The following EIF4G3 variants were observed in gnomAD, a reference collection of about 807,000 sequenced individuals.
The protein encoded by EIF4G3 is eukaryotic translation initiation factor 4 gamma 3.
A neutral mutation model predicts 186.4 loss-of-function variants in EIF4G3; 34 were observed. The observed-to-expected ratio is 0.18, with a 90% CI of 0.14 to 0.24. The LOEUF is 0.24. Among genes scored for constraint, EIF4G3 ranks in the 10% least tolerant of loss-of-function variants. The pLI, the probability that EIF4G3 is intolerant of heterozygous loss-of-function variation, is 1.00. For synonymous variants in EIF4G3, 673 were observed against 679.5 expected, an observed-to-expected ratio of 0.99 and a Z score of 0.15; for missense variants, 1,536 against 1,948.5, an observed-to-expected ratio of 0.79 and a Z score of 3.99.
At chr1:21,014,636 T>TA (rs1245516291) in intron 4 of EIF4G3, among the ~76,000 whole-genome samples, 1 of 4,228 alleles carries the variant, frequency 2.4e-4, no homozygotes, top group Non-Finnish European at 2.0e-3. Context: ...GACAAACACC[T>TA]TTTTTTTTTT....
intron 7 of EIF4G3, among the ~76,000 whole-genome samples, chr1:20,988,018 T>C (rs1290346992): frequency 6.6e-6 from 1 of 152,170 alleles, no homozygotes; most frequent in African/African-American, 2.4e-5. Context: ...AAAGAGCAGT[T>C]TGGATAGAAG....
rs949230726 is a variant in EIF4G3 at position 20,846,315 on chromosome 1, G to T, written c.3888+3100C>A. 3.3e-5 allele frequency among the ~76,000 whole-genome samples: 5 copies of T among 152,270 alleles called. No homozygotes were observed. In the South Asian group the frequency reaches 1.0e-3, roughly 32 times the overall value. The stretch of plus-strand genomic sequence containing the variant: ...GCCTGATTACCCTGGCCAGTACTAT[G>T]TTGAATAGGAGTGGTGAGAGAGGAC... On this transcript the variant is annotated intron_variant, in intron 29 of 36. Coordinates refer to ENST00000602326, the MANE Select transcript of EIF4G3 (RefSeq NM_001391906.1).
chr1:21,131,779 C>A (rs1044988789), intron 2 of EIF4G3, among the ~76,000 whole-genome samples: 2 of 152,060 alleles, frequency 1.3e-5, no homozygotes, highest in African/African-American at 2.4e-5. Flanking sequence ...TTGAGACTAG[C>A]CTAGCCAACA....
Position 20,899,874 on chromosome 1 carries a change from A to T in EIF4G3, c.1822T>A (p.Phe608Ile), listed in dbSNP as rs1355000973. The change falls in exon 16 of 37, where the codon TTT becomes ATT. Residue 608 changes from phenylalanine (F) to isoleucine (I), a missense_variant. Phe to Ile is a conservative substitution (Grantham distance 21). Coordinates refer to ENST00000602326, the MANE Select transcript of EIF4G3 (RefSeq NM_001391906.1). ...TCAGAGGGGTCTCTTTCAGGATGAA[A>T]CCCCTGGCTCATTTTATCTTGTTCA... is the stretch of plus-strand genomic sequence containing the variant. ...ESEQDKMSQG[F>I]HPERDPSDLK... is the part of the protein sequence containing the mutation. 1 of 1,613,914 alleles carries T rather than the reference A, an allele frequency of 6.2e-7. No individual in the cohort carries two copies. The highest frequency in any genetic ancestry group is 2.2e-5 in the East Asian group (1 of 44,870).
At chr1:20,861,587 G>T (rs1389658164) in intron 23 of EIF4G3, among the ~76,000 whole-genome samples, 1 of 152,242 alleles carries the variant, frequency 6.6e-6, no homozygotes, top group Non-Finnish European at 1.5e-5. Flanking sequence ...GGTATTTACT[G>T]TGGAGATGAG....
intron 7 of EIF4G3, among the ~76,000 whole-genome samples, chr1:20,986,744 CAAAAAAAAAAAAA>C (rs61255473): frequency 4.8e-4 from 32 of 66,302 alleles, no homozygotes; most frequent in African/African-American, 4.8e-4. Flanking sequence ...GCTCTGTCTC[CAAAAAAAAAAAAA>C]AAAAAAAAAA....
At chr1:21,058,719 C>CTTTTTTTTT (rs66576703) in intron 3 of EIF4G3, among the ~76,000 whole-genome samples, 2 of 82,032 alleles carry the variant, frequency 2.4e-5, no homozygotes, top group African/African-American at 5.3e-5. Flanking sequence ...CTCTCTCTCT[C>CTTTTTTTTT]TTTTTTTTTT....
chr1:21,040,907 A>C (rs1371444423), intron 4 of EIF4G3, among the ~76,000 whole-genome samples: 1 of 152,064 alleles, frequency 6.6e-6, no homozygotes, highest in African/African-American at 2.4e-5. Context: ...AACAAGGCAA[A>C]CGTCACCCTG....
chr1:21,159,464 C>T (rs1256346094), intron 2 of EIF4G3, among the ~76,000 whole-genome samples: 8 of 151,574 alleles, frequency 5.3e-5, no homozygotes, highest in Admixed American at 2.0e-4. Context: ...AAGGCTGGCG[C>T]GGTGGCTCAC....
intron 14 of EIF4G3, among the ~76,000 whole-genome samples, chr1:20,931,297 CT>C (rs1029519013): frequency 7.3e-4 from 111 of 152,210 alleles, no homozygotes; most frequent in African/African-American, 2.3e-3. Context: ...CAAAATTACT[CT>C]TTGATCTCAG....
intron 19 of EIF4G3, among the ~76,000 whole-genome samples, chr1:20,885,510 T>C (rs2083842482): frequency 6.6e-6 from 1 of 152,186 alleles, no homozygotes; most frequent in Non-Finnish European, 1.5e-5. Context: ...GCTGAAAAGT[T>C]AGTATGTGAT....
intron 14 of EIF4G3, among the ~76,000 whole-genome samples, chr1:20,913,526 T>C (rs2093497381): frequency 6.6e-6 from 1 of 152,168 alleles, no homozygotes; most frequent in Admixed American, 6.5e-5. Flanking sequence ...CAAGAACCTG[T>C]CTCTAAAAAC....
At chr1:20,924,851 C>A (rs1219295678) in intron 14 of EIF4G3, among the ~76,000 whole-genome samples, 1 of 152,174 alleles carries the variant, frequency 6.6e-6, no homozygotes, top group East Asian at 1.9e-4. Flanking sequence ...TGTGAACCAC[C>A]TCACCCACCC....
chr1:21,019,045 AG>A (rs1366308402), intron 4 of EIF4G3, among the ~76,000 whole-genome samples: 3 of 152,106 alleles, frequency 2.0e-5, no homozygotes, highest in Admixed American at 1.3e-4. Flanking sequence ...TTAAGAGAAC[AG>A]GTCTCACTCT....
chr1:21,026,227 C>G (rs2154571432), intron 4 of EIF4G3, among the ~76,000 whole-genome samples: 1 of 151,900 alleles, frequency 6.6e-6, no homozygotes, highest in South Asian at 2.1e-4. Flanking sequence ...AAAAAATGGC[C>G]CAGAAATAAA....
intron 16 of EIF4G3, among the ~76,000 whole-genome samples, chr1:20,898,839 T>C (rs1026539495): frequency 1.8e-4 from 28 of 152,338 alleles, no homozygotes; most frequent in South Asian, 1.2e-3. Flanking sequence ...CAAGCGATTC[T>C]CCTGCCTCAG....
chr1:21,176,347 C>T lies in EIF4G3; in HGVS notation c.-444G>A. On this transcript the variant is annotated 5_prime_UTR_variant, in exon 2 of 37. Coordinates refer to ENST00000602326, the MANE Select transcript of EIF4G3 (RefSeq NM_001391906.1). ...CCGGTGCCGGGTCCGGTTCCTGCTG[C>T]AGTCGCTGTGCCTGATTTCAGAGCC... 1 of 258,006 alleles carries T rather than the reference C, an allele frequency of 3.9e-6. No individual in the cohort carries two copies. The highest frequency in any genetic ancestry group is 7.1e-6 in the Non-Finnish European group (1 of 140,682). 16.0% of individuals were successfully genotyped at this position (258,006 alleles called of 1,614,324 possible). A position where few individuals can be genotyped will look rare whatever the true frequency, so the allele number is the denominator to read the frequency against.
At chr1:20,947,647 A>G (rs1399473751) in intron 13 of EIF4G3, among the ~76,000 whole-genome samples, 1 of 152,166 alleles carries the variant, frequency 6.6e-6, no homozygotes, top group African/African-American at 2.4e-5. Context: ...AAACAAAGAA[A>G]GAGAGTTAGT....
chr1:20,908,058 G>A (rs1168475081), intron 14 of EIF4G3, among the ~76,000 whole-genome samples: 4 of 152,074 alleles, frequency 2.6e-5, no homozygotes, highest in Non-Finnish European at 5.9e-5. Context: ...AGCACCTGTT[G>A]TTTCCTGACT....
Sources: gnomAD v4.1 joint callset for allele counts (sites outside exome capture counted in the v4.1 genomes callset) on GRCh38, gnomAD v4.1.1 for gene constraint, MANE v1.5 for transcripts, NCBI Gene and HGNC (gene_info 2026-07-23, HGNC 2026-07-21) for gene names.